Variants in XRCC2 observed in about 807,000 individuals in gnomAD.
XRCC2 encodes the protein X-ray repair cross complementing 2, also known as DNA repair protein XRCC2.
XRCC2 carries 24 observed loss-of-function variants against 27.3 expected under a neutral mutation model. The observed-to-expected ratio is 0.88, with a 90% CI of 0.64 to 1.24. XRCC2 has a LOEUF of 1.24. Ranked by LOEUF, XRCC2 falls within the 50% of genes most tolerant of loss-of-function variation. XRCC2 has a pLI of 0.00. For missense variants in XRCC2, 321 were observed against 325.8 expected (o/e 0.99, Z 0.11); for synonymous variants, 106 against 115.4 (o/e 0.92, Z 0.52).
rs1269986895 is a variant in XRCC2, at chr7:152,645,196, T to A, written c.*3446A>T. On this transcript the variant is annotated 3_prime_UTR_variant, in exon 3 of 3. Transcript: ENST00000359321. ...TCCAAAAAGGTCTTGCATATTTTTA[T>A]TAGATTTATTTCTAGAAACTTTATA... is the stretch of plus-strand genomic sequence containing the variant. 6.7e-6 allele frequency: 1 copy of A among 150,110 alleles called. No homozygotes were observed. The highest frequency in any genetic ancestry group is 1.5e-5 in the Non-Finnish European group (1 of 67,762). 9.3% of individuals were successfully genotyped at this position (150,110 alleles called of 1,614,324 possible).
intron 1 of XRCC2, among the ~76,000 whole-genome samples, chr7:152,671,004 C>G (rs937035702): frequency 3.9e-5 from 6 of 152,124 alleles, no homozygotes; most frequent in African/African-American, 1.2e-4. Flanking sequence ...CACCTGAGGT[C>G]AGGAGTTCGA....
In XRCC2 at chr7:152,647,868, T is replaced by C. The variant is rs1160308715; in HGVS notation, c.*774A>G. On this transcript the variant is annotated 3_prime_UTR_variant, in exon 3 of 3. Transcript: ENST00000359321. ...TTGTTCTTTTTGCTTAGGATTGCCT[T>C]ACTATCAATATTTCTTTAGATTTAC... 1 of 152,222 alleles carries C rather than the reference T, an allele frequency of 6.6e-6. No homozygotes were observed. The highest frequency in any genetic ancestry group is 1.5e-5 in the Non-Finnish European group (1 of 68,038). 9.4% of individuals were successfully genotyped at this position (152,222 alleles called of 1,614,324 possible).
intron 1 of XRCC2, among the ~76,000 whole-genome samples, chr7:152,671,200 G>A (rs886893623): frequency 2.6e-4 from 40 of 152,132 alleles, no homozygotes. Context: ...GGGCGACAGA[G>A]TAAGACTGTC....
intron 1 of XRCC2, among the ~76,000 whole-genome samples, chr7:152,662,255 C>G (rs1248784157): frequency 6.6e-6 from 1 of 152,008 alleles, no homozygotes; most frequent in Non-Finnish European, 1.5e-5. Context: ...CGTGAGCCAC[C>G]GCGCCCAGCC....
chr7:152,658,794 A>C (rs573102823), intron 2 of XRCC2, among the ~76,000 whole-genome samples: 1 of 152,366 alleles, frequency 6.6e-6, no homozygotes, highest in South Asian at 2.1e-4. Flanking sequence ...TATCAACTGC[A>C]TGTATATATC....
At position 152,649,043 on chromosome 7, in the gene XRCC2, A is replaced by C; in HGVS notation, c.442T>G (p.Leu148Val). 6.2e-7 allele frequency: 1 copy of C among 1,614,200 alleles called. No homozygotes were observed. Among genetic ancestry groups the C allele is most frequent in the Non-Finnish European group, 8.5e-7 (1 of 1,180,030 alleles). Reference protein sequence around the residue: ...CSHPSLCLLILDSLSAFYWID... With the variant: ...CSHPSLCLLIVDSLSAFYWID... The stretch of plus-strand genomic sequence containing the variant: ...CAGTAAAAAGCTGACAGGCTATCCA[A>C]AATCAAAAGGCAGAGAGATGGGTGA... The change falls in exon 3 of 3, where the codon TTG becomes GTG. Residue 148 changes from leucine to valine, a missense_variant. Coordinates refer to ENST00000359321, the MANE Select transcript of XRCC2 (RefSeq NM_005431.2).
chr7:152,657,927 A>T (rs1256996354), intron 2 of XRCC2, among the ~76,000 whole-genome samples: 3 of 151,076 alleles, frequency 2.0e-5, no homozygotes, highest in Non-Finnish European at 2.9e-5. Context: ...TAAAAAACAG[A>T]CAGCAAAATG....
chr7:152,674,544 G>A (rs945515977), intron 1 of XRCC2, among the ~76,000 whole-genome samples: 2 of 151,006 alleles, frequency 1.3e-5, no homozygotes, highest in African/African-American at 4.9e-5. Context: ...CCCGGGAGGC[G>A]GAAGTTGCAG....
rs565518632 is a variant in XRCC2, at chr7:152,647,690, G to A, written c.*952C>T. On this transcript the variant is annotated 3_prime_UTR_variant, in exon 3 of 3. Transcript: ENST00000359321. ...ATTGCTTGTTTTTGTCAGGTTCATC[G>A]AAGATCAAAAAAATTATAGGTGTGT... 7 of 152,134 alleles carry A rather than the reference G, an allele frequency of 4.6e-5. No homozygotes were observed. The highest frequency in any genetic ancestry group is 1.9e-4 in the East Asian group (1 of 5,190). 9.4% of individuals were successfully genotyped at this position (152,134 alleles called of 1,614,324 possible).
At chr7:152,650,177 T>G (rs1244847455) in intron 2 of XRCC2, among the ~76,000 whole-genome samples, 2 of 152,248 alleles carry the variant, frequency 1.3e-5, no homozygotes, top group East Asian at 3.8e-4. Context: ...TTTTGTGGTT[T>G]CACACATTAT....
chr7:152,665,327 A>G (rs2098035099), intron 1 of XRCC2, among the ~76,000 whole-genome samples: 1 of 152,008 alleles, frequency 6.6e-6, no homozygotes, highest in Non-Finnish European at 1.5e-5. Context: ...AATTTCCATA[A>G]TAAATTTCCT....
At chr7:152,664,515 CCT>C (rs1182857444) in intron 1 of XRCC2, among the ~76,000 whole-genome samples, 1 of 152,110 alleles carries the variant, frequency 6.6e-6, no homozygotes, top group Non-Finnish European at 1.5e-5. Context: ...TATTGGAGCC[CCT>C]GATTCTGGGA....
Position 152,656,158 on chromosome 7 carries a change from G to A in XRCC2, c.121+4543C>T, listed in dbSNP as rs12665917. Among the ~76,000 whole-genome samples, 85 of 151,744 alleles carry A rather than the reference G, an allele frequency of 5.6e-4. 2 individuals carry two copies. The East Asian group carries it at 0.016, about 29-fold the overall frequency. On this transcript the variant is annotated intron_variant, in intron 2 of 2. Coordinates refer to ENST00000359321, the MANE Select transcript of XRCC2 (RefSeq NM_005431.2). ...GGCGCAGCCAACCACCATGGCACGC[G>A]TTTATCTATATAACAAACCTTCACG...
At chr7:152,659,056 C>T (rs567952212) in intron 2 of XRCC2, among the ~76,000 whole-genome samples, 8 of 152,100 alleles carry the variant, frequency 5.3e-5, no homozygotes, top group Admixed American at 3.9e-4. Flanking sequence ...TACTGTTTTC[C>T]ATAATGGTCG....
chr7:152,663,346 TAAAAAAAAAAAA>T (rs530664762), intron 1 of XRCC2, among the ~76,000 whole-genome samples: 1,559 of 80,916 alleles, frequency 0.019, 53 homozygotes, highest in Non-Finnish European at 0.028. Context: ...GTCTTTGAAG[TAAAAAAAAAAAA>T]AAAAAAAAAA....
intron 2 of XRCC2, among the ~76,000 whole-genome samples, chr7:152,650,808 C>T (rs1289945118): frequency 6.6e-6 from 1 of 151,966 alleles, no homozygotes; most frequent in East Asian, 1.9e-4. Flanking sequence ...ATCACTTGAA[C>T]CTGGGAGACA....
intron 1 of XRCC2, among the ~76,000 whole-genome samples, chr7:152,665,000 C>A (rs1033047056): frequency 1.3e-5 from 2 of 152,142 alleles, no homozygotes; most frequent in South Asian, 2.1e-4. Context: ...TTGCCCTACA[C>A]GAGCATGCAC....
intron 1 of XRCC2, among the ~76,000 whole-genome samples, chr7:152,674,087 G>A (rs1163220495): frequency 6.6e-6 from 1 of 152,092 alleles, no homozygotes; most frequent in Non-Finnish European, 1.5e-5. Flanking sequence ...TTAATAAAAA[G>A]GAAAATAGAG....
intron 2 of XRCC2, among the ~76,000 whole-genome samples, chr7:152,656,750 C>T (rs968556009): frequency 1.3e-5 from 2 of 152,126 alleles, no homozygotes; most frequent in African/African-American, 4.8e-5. Flanking sequence ...AGAGAGAGTA[C>T]AAAGACCATT....
Sources: allele counts gnomAD v4.1 joint callset (sites outside exome capture counted in the v4.1 genomes callset), GRCh38; gene constraint gnomAD v4.1.1; transcripts MANE v1.5; gene names NCBI Gene and HGNC (gene_info 2026-07-23, HGNC 2026-07-21).